Variants in SREBF1 observed in about 807,000 individuals in gnomAD.
SREBF1 encodes sterol regulatory element-binding protein 1.
A neutral mutation model predicts 100.1 loss-of-function variants in SREBF1; 45 were observed. The ratio of observed to expected loss-of-function variants is 0.45; its 90% CI spans 0.35 to 0.58. The LOEUF (loss-of-function observed/expected upper bound fraction) is 0.58, where lower values mean the gene tolerates loss of function less well. SREBF1 is among the 20% of genes least tolerant of loss of function. The pLI is 0.00. For synonymous variants in SREBF1, 657 were observed against 681.8 expected (o/e 0.96, Z 0.57); for missense variants, 1,324 against 1,539.4 (o/e 0.86, Z 2.34).
intron 6 of SREBF1, 139 bp from the exon 7 acceptor site, chr17:17,818,055 C>T: frequency 1.1e-6 from 1 of 950,008 alleles, no homozygotes; most frequent in Non-Finnish European, 1.6e-6. Flanking sequence ...GGGTTAGGGC[C>T]AAAGGGAGGC....
chr17:17,811,485 C>T lies in SREBF1; in HGVS notation c.*1137G>A. On this transcript the variant is annotated 3_prime_UTR_variant, in exon 19 of 19. Transcript: ENST00000261646. ...GCCCGTGGATTCCGACCAGATTCAGCTGGGAGCCGGGCCAGGCTTTAGGTT... is the reference window on the plus strand; with the variant it reads ...GCCCGTGGATTCCGACCAGATTCAGTTGGGAGCCGGGCCAGGCTTTAGGTT... 1 of 220,458 alleles carries T rather than the reference C, an allele frequency of 4.5e-6. No homozygotes were observed. Among genetic ancestry groups the T allele is most frequent in the Non-Finnish European group, 8.5e-6 (1 of 117,254 alleles). The allele number at this position is 220,458 out of a possible 1,614,324, so 13.7% of individuals were successfully genotyped here. A position where few individuals can be genotyped will look rare whatever the true frequency, so the allele number is the denominator to read the frequency against.
At chr17:17,828,212 A>T (rs1000368498) in intron 1 of SREBF1, among the ~76,000 whole-genome samples, 1 of 152,164 alleles carries the variant, frequency 6.6e-6, no homozygotes. Flanking sequence ...GAACACCACA[A>T]GCTATTGAAG....
chr17:17,814,481 C>G (rs2033322114), intron 15 of SREBF1, 71 bp from the exon 16 acceptor site: 7 of 1,542,326 alleles, frequency 4.5e-6, no homozygotes, highest in Non-Finnish European at 6.1e-6. Flanking sequence ...CCCCCACTTC[C>G]CTGGCTCGAG....
chr17:17,815,357 G>A (rs755476286), intron 12 of SREBF1, 28 bp from the exon 13 acceptor site: 13 of 1,583,304 alleles, frequency 8.2e-6, no homozygotes, highest in Middle Eastern at 1.7e-4. Flanking sequence ...TGAGTGGGGT[G>A]GGGAGCAGGG....
chr17:17,815,362 G>A lies in SREBF1; in HGVS notation c.2384-33C>T, dbSNP rs1337920949. The A allele has an allele frequency of 1.9e-6, 3 of 1,551,196 alleles. No homozygotes were observed. The South Asian group carries it at 3.3e-5, about 17-fold the overall frequency. ...GAGGAGGAGGTGAGTGGGGTGGGGAGCAGGGCCCCACCCTCCTCTCCAAGC... is the reference window on the plus strand; with the variant it reads ...GAGGAGGAGGTGAGTGGGGTGGGGAACAGGGCCCCACCCTCCTCTCCAAGC... On this transcript the variant is annotated intron_variant, in intron 12 of 18. Coordinates refer to ENST00000261646, the MANE Select transcript of SREBF1 (RefSeq NM_004176.5).
At chr17:17,828,720 AGCCTGG>A (rs2034642260) in intron 1 of SREBF1, among the ~76,000 whole-genome samples, 1 of 151,956 alleles carries the variant, frequency 6.6e-6, no homozygotes, top group Non-Finnish European at 1.5e-5. Flanking sequence ...GTTCAAGACC[AGCCTGG>A]GCAATGTAGC....
In SREBF1 at chr17:17,811,685, G is replaced by T; in HGVS notation, c.*937C>A. The T allele has an allele frequency of 2.2e-6, 1 of 453,820 alleles. No homozygotes were observed. The highest frequency in any genetic ancestry group is 4.4e-6 in the Non-Finnish European group (1 of 225,856). 28.1% of individuals were successfully genotyped at this position (453,820 alleles called of 1,614,324 possible). ...GATGACCAGGGGCCGGGATGGGGGA[G>T]GTGAGACGTGCCAGACTTCTTGCAG... is the stretch of plus-strand genomic sequence containing the variant. On this transcript the variant is annotated 3_prime_UTR_variant, in exon 19 of 19. Coordinates refer to ENST00000261646, the MANE Select transcript of SREBF1 (RefSeq NM_004176.5).
At chr17:17,819,480 A>G in intron 3 of SREBF1, 26 bp from the exon 4 acceptor site, 2 of 1,613,326 alleles carry the variant, frequency 1.2e-6, no homozygotes, top group Non-Finnish European at 8.5e-7. Context: ...GCTTGGCTGT[A>G]AGCTGTGTGT....
Position 17,818,353 on chromosome 17 carries a change from G to C in SREBF1, c.1090C>G (p.Arg364Gly). 1 of 1,613,584 alleles carries C rather than the reference G, an allele frequency of 6.2e-7. No homozygotes were observed. Among genetic ancestry groups the C allele is most frequent in the East Asian group, 2.2e-5 (1 of 44,862 alleles). The change falls in exon 6 of 19, where the codon CGC becomes GGC. Residue 364 changes from arginine to glycine, a missense_variant. Arg to Gly is a moderately radical substitution (Grantham distance 125). Transcript: ENST00000261646. Reference protein sequence around the residue: ...EAKLNKSAVLRKAIDYIRFLQ... With the variant: ...EAKLNKSAVLGKAIDYIRFLQ... Reference sequence around the variant, plus strand: ...AAGCGAATGTAGTCGATGGCCTTGCGCAAGACAGCAGATTTATTCAGCTGC... The same window carrying C: ...AAGCGAATGTAGTCGATGGCCTTGCCCAAGACAGCAGATTTATTCAGCTGC...
At chr17:17,820,592 A>C in intron 1 of SREBF1, 71 bp from the exon 2 acceptor site, 1 of 1,509,158 alleles carries the variant, frequency 6.6e-7, no homozygotes, top group East Asian at 2.3e-5. Flanking sequence ...ACACACATCC[A>C]AACACAACCT....
chr17:17,831,414 G>A (rs1418135812), intron 1 of SREBF1, among the ~76,000 whole-genome samples: 1 of 152,092 alleles, frequency 6.6e-6, no homozygotes. Context: ...AGAACGCACT[G>A]CTCGGGGCAA....
chr17:17,829,694 G>T (rs531869929), intron 1 of SREBF1, among the ~76,000 whole-genome samples: 48 of 152,314 alleles, frequency 3.2e-4, no homozygotes, highest in Middle Eastern at 3.4e-3. Context: ...GCCCAGGCTG[G>T]AGTGTAGTGG....
intron 1 of SREBF1, among the ~76,000 whole-genome samples, chr17:17,832,012 C>CCGT (rs2034892917): frequency 6.6e-6 from 1 of 152,214 alleles, no homozygotes; most frequent in South Asian, 2.1e-4. Flanking sequence ...TAGCCTCTGA[C>CCGT]CCCTCTGTGA....
In SREBF1 at chr17:17,824,588, T is replaced by TACACACAC. The variant is rs145616114; in HGVS notation, c.92-4075_92-4068dup. ...TCCCTCTTTTGTCAAAGGTAAAAGT[T>TACACACAC]ACACACACACACACACACAAAGTGA... On this transcript the variant is annotated intron_variant, in intron 1 of 18. Transcript: ENST00000261646. This position sits in a 1 kb window ranked among gnomAD's most constrained non-coding sequence, Gnocchi z 4.2. 1.3e-5 allele frequency among the ~76,000 whole-genome samples: 2 copies of TACACACAC among 150,852 alleles called. No individual in the cohort carries two copies. Among genetic ancestry groups the TACACACAC allele is most frequent in the African/African-American group, 4.9e-5 (2 of 41,124 alleles).
chr17:17,812,861 C>G lies in SREBF1; in HGVS notation c.3215-10G>C, dbSNP rs114978947. The G allele has an allele frequency of 3.4e-6, 5 of 1,474,160 alleles. No homozygotes were observed. Among genetic ancestry groups the G allele is most frequent in the East Asian group, 2.6e-5 (1 of 39,136 alleles). 91.3% of individuals were successfully genotyped at this position (1,474,160 alleles called of 1,614,324 possible). Reference sequence around the variant, plus strand: ...AGCTCCGCCACCGCGCCTGCGCACACGAGGATGTGTCAGGGATGGGTCTCA... The same window carrying G: ...AGCTCCGCCACCGCGCCTGCGCACAGGAGGATGTGTCAGGGATGGGTCTCA... On this transcript the variant is annotated splice_polypyrimidine_tract_variant and intron_variant, in intron 18 of 18. Transcript: ENST00000261646.
chr17:17,822,589 T>G (rs2034178636), intron 1 of SREBF1, among the ~76,000 whole-genome samples: 1 of 152,222 alleles, frequency 6.6e-6, no homozygotes, highest in African/African-American at 2.4e-5. Flanking sequence ...CCACTCGTGG[T>G]GGCACCCACT....
intron 13 of SREBF1, 97 bp from the exon 14 acceptor site, chr17:17,815,041 T>TTTGCAGAGCCAGGG: frequency 7.6e-7 from 1 of 1,314,224 alleles, no homozygotes; most frequent in Non-Finnish European, 1.1e-6. Flanking sequence ...CCCCTGGCTC[T>TTTGCAGAGCCAGGG]GCAAAGTGCC....
chr17:17,817,948 A>C lies in SREBF1; in HGVS notation c.1184-32T>G. 1 of 1,594,440 alleles carries C rather than the reference A, an allele frequency of 6.3e-7. No homozygotes were observed. Among genetic ancestry groups the C allele is most frequent in the Non-Finnish European group, 8.5e-7 (1 of 1,175,318 alleles). On this transcript the variant is annotated intron_variant, in intron 6 of 18. Coordinates refer to ENST00000261646, the MANE Select transcript of SREBF1 (RefSeq NM_004176.5). This position sits in a 1 kb window ranked among gnomAD's most constrained non-coding sequence, Gnocchi z 6.6. ...GCCGAAAGGAACAGAGCCAGGAGTA[A>C]AGGCTGGATATGTGACCCCAAATCA... is the stretch of plus-strand genomic sequence containing the variant.
chr17:17,824,845 G>A lies in SREBF1; in HGVS notation c.92-4324C>T, dbSNP rs570233522. Among the ~76,000 whole-genome samples the A allele has an allele frequency of 1.5e-4, 23 of 152,178 alleles. No individual in the cohort carries two copies. Among genetic ancestry groups the A allele is most frequent in the Non-Finnish European group, 3.1e-4 (21 of 68,028 alleles). On this transcript the variant is annotated intron_variant, in intron 1 of 18. Transcript: ENST00000261646. This position sits in a 1 kb window ranked among gnomAD's most constrained non-coding sequence, Gnocchi z 4.2. Reference sequence around the variant, plus strand: ...ACCCTAAGCAAGAAAACCCAGCCATGTCTCTCTCGCAACCTGTCCTCGCCA... The same window carrying A: ...ACCCTAAGCAAGAAAACCCAGCCATATCTCTCTCGCAACCTGTCCTCGCCA...
Sources: allele counts gnomAD v4.1 joint callset (sites outside exome capture counted in the v4.1 genomes callset), GRCh38; gene constraint gnomAD v4.1.1; non-coding constraint Gnocchi (gnomAD v3.1); transcripts MANE v1.5; gene names NCBI Gene and HGNC (gene_info 2026-07-23, HGNC 2026-07-21).